RNLS: variants seen among roughly 807,000 people sequenced by gnomAD.
The protein encoded by RNLS is renalase, FAD dependent amine oxidase.
A neutral mutation model predicts 39.8 loss-of-function variants in RNLS; 39 were observed. That is an observed-to-expected ratio of 0.98 (90% confidence interval 0.76 to 1.28). The LOEUF is 1.28. Among genes scored for constraint, RNLS ranks in the 50% most tolerant of loss-of-function variants. RNLS has a pLI of 0.00. For synonymous variants in RNLS, 147 were observed against 150.7 expected (o/e 0.98, Z 0.18); for missense variants, 410 against 413.3 (o/e 0.99, Z 0.07).
chr10:88,430,560 T>C (rs1043891884), intron 4 of RNLS, among the ~76,000 whole-genome samples: 2 of 151,872 alleles, frequency 1.3e-5, no homozygotes, highest in Non-Finnish European at 2.9e-5. Context: ...CATCCTTATC[T>C]TGTACTCAAC....
chr10:88,582,991 T>C, intron 1 of RNLS, 82 bp downstream of exon 1: 1 of 1,483,632 alleles, frequency 6.7e-7, no homozygotes, highest in Non-Finnish European at 9.1e-7. Context: ...CGCCTTAGAC[T>C]TTCTTGGGTG....
chr10:88,326,734 A>G (rs1846641392), intron 5 of RNLS, among the ~76,000 whole-genome samples: 1 of 152,194 alleles, frequency 6.6e-6, no homozygotes, highest in Non-Finnish European at 1.5e-5. Flanking sequence ...TAGATCCCAG[A>G]ATGGTAGATC....
intron 4 of RNLS, among the ~76,000 whole-genome samples, chr10:88,504,722 GAAC>G (rs1845689903): frequency 6.6e-6 from 1 of 151,966 alleles, no homozygotes; most frequent in South Asian, 2.1e-4. Context: ...TAAATTCGAA[GAAC>G]AATAATTGTA....
chr10:88,566,878 T>C (rs1849531631), intron 4 of RNLS, among the ~76,000 whole-genome samples: 2 of 151,858 alleles, frequency 1.3e-5, no homozygotes, highest in Admixed American at 1.3e-4. Context: ...ACATAGCCCA[T>C]GAAAAATGAA....
chr10:88,578,258 C>T (rs948287603), intron 3 of RNLS, among the ~76,000 whole-genome samples: 12 of 151,960 alleles, frequency 7.9e-5, no homozygotes, highest in South Asian at 2.1e-4. Flanking sequence ...CATTTCATTA[C>T]GCTCATTTTT....
chr10:88,572,631 C>T (rs1041330444), intron 4 of RNLS, among the ~76,000 whole-genome samples: 1 of 152,158 alleles, frequency 6.6e-6, no homozygotes, highest in Admixed American at 6.5e-5. Flanking sequence ...TTCCTTTAGG[C>T]AAAATCATTT....
the RNLS span, among the ~76,000 whole-genome samples, chr10:88,242,268 C>T: frequency 6.6e-6 from 1 of 152,284 alleles, no homozygotes; most frequent in East Asian, 1.9e-4. Flanking sequence ...CATTGAATCA[C>T]CTATTTGCTA....
chr10:88,553,966 G>T (rs1848724548), intron 4 of RNLS, among the ~76,000 whole-genome samples: 1 of 152,024 alleles, frequency 6.6e-6, no homozygotes, highest in Admixed American at 6.6e-5. Flanking sequence ...TTTAAGCAGA[G>T]TTCACAATTT....
At chr10:88,191,414 C>T in the RNLS span, among the ~76,000 whole-genome samples, 1 of 151,886 alleles carries the variant, frequency 6.6e-6, no homozygotes, top group East Asian at 1.9e-4. Context: ...TTTTCATTGA[C>T]AAATAAAAAT....
chr10:88,376,153 C>T (rs1478401072), intron 4 of RNLS, among the ~76,000 whole-genome samples: 1 of 152,020 alleles, frequency 6.6e-6, no homozygotes, highest in Non-Finnish European at 1.5e-5. Context: ...GGATTCATGA[C>T]AATTTAGTTC....
intron 3 of RNLS, among the ~76,000 whole-genome samples, chr10:88,580,956 C>T (rs1850498969): frequency 1.3e-5 from 2 of 152,098 alleles, no homozygotes; most frequent in South Asian, 2.1e-4. Context: ...CATAGCTATT[C>T]TTCTGTGAGG....
intron 5 of RNLS, among the ~76,000 whole-genome samples, chr10:88,328,982 A>T (rs988268998): frequency 2.6e-5 from 4 of 152,100 alleles, no homozygotes; most frequent in Non-Finnish European, 4.4e-5. Context: ...CTTGGTATAT[A>T]ATAATAAATT....
At chr10:88,245,950 C>T in the RNLS span, among the ~76,000 whole-genome samples, 1 of 152,196 alleles carries the variant, frequency 6.6e-6, no homozygotes, top group African/African-American at 2.4e-5. Flanking sequence ...TTCCTGATTT[C>T]ACTGAGCCTG....
chr10:88,548,289 A>AAAAAAAAAAGAAAAG (rs1554927072), intron 4 of RNLS, among the ~76,000 whole-genome samples: 2 of 80,244 alleles, frequency 2.5e-5, no homozygotes, highest in African/African-American at 1.3e-4. Flanking sequence ...AAAAAAAAAA[A>AAAAAAAAAAGAAAAG]AAAAGAAAAG....
chr10:88,351,328 G>C (rs557192394), intron 5 of RNLS, among the ~76,000 whole-genome samples: 12 of 152,294 alleles, frequency 7.9e-5, no homozygotes, highest in Non-Finnish European at 1.5e-5. Context: ...AAATGGTAAT[G>C]CCTATGTTTT....
chr10:88,301,057 A>G (rs1844482615), intron 6 of RNLS, among the ~76,000 whole-genome samples: 1 of 152,208 alleles, frequency 6.6e-6, no homozygotes, highest in African/African-American at 2.4e-5. Context: ...TTTTTTATAA[A>G]GTATTTGCTG....
intron 3 of RNLS, among the ~76,000 whole-genome samples, chr10:88,579,516 C>A (rs1197068767): frequency 1.3e-5 from 2 of 152,108 alleles, no homozygotes; most frequent in Non-Finnish European, 2.9e-5. Context: ...AGGAGAAGGT[C>A]AGAGAGAGCT....
the RNLS span, among the ~76,000 whole-genome samples, chr10:88,238,467 G>A: frequency 6.6e-6 from 1 of 152,234 alleles, no homozygotes; most frequent in African/African-American, 2.4e-5. Flanking sequence ...TAAACAGGGA[G>A]TTGAGGCTGG....
chr10:88,447,139 C>T (rs1276660290), intron 4 of RNLS, among the ~76,000 whole-genome samples: 1 of 152,098 alleles, frequency 6.6e-6, no homozygotes, highest in Non-Finnish European at 1.5e-5. Flanking sequence ...TCCTATTCAA[C>T]ACAGTGTTGG....
Sources: allele counts gnomAD v4.1 joint callset (sites outside exome capture counted in the v4.1 genomes callset), GRCh38; gene constraint gnomAD v4.1.1; transcripts MANE v1.5; gene names NCBI Gene and HGNC (gene_info 2026-07-23, HGNC 2026-07-21).